Variants in VWC2 observed in about 807,000 individuals in gnomAD.
VWC2 encodes von Willebrand factor C domain containing 2.
A neutral mutation model predicts 29.8 loss-of-function variants in VWC2; 14 were observed. The ratio of observed to expected loss-of-function variants is 0.47; its 90% confidence interval spans 0.31 to 0.74. The LOEUF (loss-of-function observed/expected upper bound fraction) is 0.74, where lower values mean the gene tolerates loss of function less well. VWC2 is among the 30% of genes least tolerant of loss of function. The pLI is 0.05. For missense variants in VWC2, 457 were observed against 459.8 expected (o/e 0.99, Z 0.05); for synonymous variants, 213 against 199.0 (o/e 1.07, Z -0.59).
At chr7:49,809,879 A>C (rs1788961992) in intron 3 of VWC2, among the ~76,000 whole-genome samples, 1 of 152,066 alleles carries the variant, frequency 6.6e-6, no homozygotes, top group Non-Finnish European at 1.5e-5. Context: ...TCTCAATTTG[A>C]TAAAGAGTAA....
intron 3 of VWC2, among the ~76,000 whole-genome samples, chr7:49,889,875 G>C (rs1386718059): frequency 1.3e-5 from 2 of 152,136 alleles, no homozygotes; most frequent in Non-Finnish European, 2.9e-5. Flanking sequence ...GAAATAGGGA[G>C]ACCATCTGGC....
intron 2 of VWC2, among the ~76,000 whole-genome samples, chr7:49,783,819 C>A (rs570249155): frequency 6.6e-6 from 1 of 151,946 alleles, no homozygotes; most frequent in Admixed American, 6.6e-5. Flanking sequence ...GGAGGCCGAG[C>A]TGGGAGGATC....
intron 3 of VWC2, among the ~76,000 whole-genome samples, chr7:49,821,199 A>G (rs1229625593): frequency 1.3e-5 from 2 of 152,266 alleles, no homozygotes; most frequent in Non-Finnish European, 2.9e-5. Flanking sequence ...TTGCAAGGAT[A>G]TTGATGAGTG....
At chr7:49,788,867 T>TG (rs1406745447) in intron 2 of VWC2, among the ~76,000 whole-genome samples, 22 of 124,876 alleles carry the variant, frequency 1.8e-4, no homozygotes, top group Non-Finnish European at 1.0e-4. Context: ...TGAGCGTGTG[T>TG]GTGGGGGGTG....
intron 2 of VWC2, among the ~76,000 whole-genome samples, chr7:49,781,986 C>T (rs1284805675): frequency 1.3e-5 from 2 of 152,112 alleles, no homozygotes; most frequent in South Asian, 2.1e-4. Context: ...GATTATCAGA[C>T]CCATGTGGGG....
At chr7:49,859,277 C>T (rs944203315) in intron 3 of VWC2, among the ~76,000 whole-genome samples, 5 of 152,064 alleles carry the variant, frequency 3.3e-5, no homozygotes, top group African/African-American at 1.2e-4. Flanking sequence ...TTTGTGGTAT[C>T]TTTTGAAGGA....
chr7:49,844,714 C>T (rs946956122), intron 3 of VWC2, among the ~76,000 whole-genome samples: 9 of 151,872 alleles, frequency 5.9e-5, no homozygotes, highest in African/African-American at 1.9e-4. Context: ...TTTTTTGAGA[C>T]GGAGTTTGGC....
chr7:49,787,937 G>T (rs73347647), intron 2 of VWC2, among the ~76,000 whole-genome samples: 2,145 of 152,298 alleles, frequency 0.014, 39 homozygotes, highest in African/African-American at 0.049. Flanking sequence ...AGATCTCAGG[G>T]ACCATTGCGC....
intron 3 of VWC2, among the ~76,000 whole-genome samples, chr7:49,885,385 C>T (rs1033642570): frequency 6.6e-6 from 1 of 151,900 alleles, no homozygotes; most frequent in African/African-American, 2.4e-5. Context: ...TAAATATATA[C>T]AATTATGTTC....
In VWC2 at chr7:49,775,776, G is replaced by A. The variant is rs1240119481; in HGVS notation, c.341G>A (p.Arg114His). ...GCCGGGGATCTGCAGGTCCGGCCCC[G>A]CGGGGACACCCCGCAGGCGGAAGCC... ...AKAGDLQVRPRGDTPQAEALA... is the reference protein window; with the variant it reads ...AKAGDLQVRPHGDTPQAEALA... The change falls in exon 2 of 4, where the codon CGC becomes CAC. Residue 114 changes from arginine (R) to histidine (H), a missense_variant. Coordinates refer to ENST00000340652, the MANE Select transcript of VWC2 (RefSeq NM_198570.5). 3 of 1,520,290 alleles carry A rather than the reference G, an allele frequency of 2.0e-6. No homozygotes were observed. The highest frequency in any genetic ancestry group is 2.6e-6 in the Non-Finnish European group (3 of 1,135,312). The allele number at this position is 1,520,290 out of a possible 1,614,324, so 94.2% of individuals were successfully genotyped here.
chr7:49,867,029 T>G (rs1447073477), intron 3 of VWC2, among the ~76,000 whole-genome samples: 2 of 152,178 alleles, frequency 1.3e-5, no homozygotes, highest in Non-Finnish European at 2.9e-5. Context: ...TCAGGACTGA[T>G]CTCATTATCT....
chr7:49,820,989 G>C (rs1789249790), intron 3 of VWC2, among the ~76,000 whole-genome samples: 1 of 152,180 alleles, frequency 6.6e-6, no homozygotes, highest in Admixed American at 6.5e-5. Flanking sequence ...CTACAGTCTG[G>C]AGATGAGCTG....
At chr7:49,900,376 AG>A (rs1343774130) in intron 3 of VWC2, among the ~76,000 whole-genome samples, 2 of 151,786 alleles carry the variant, frequency 1.3e-5, no homozygotes, top group African/African-American at 2.4e-5. Flanking sequence ...TTAAAACAAA[AG>A]CTTGTTTATT....
intron 3 of VWC2, among the ~76,000 whole-genome samples, chr7:49,862,634 T>A (rs1657911353): frequency 6.6e-6 from 1 of 151,926 alleles, no homozygotes. Context: ...GAAGTTCCCT[T>A]CTCTTCCTAC....
chr7:49,891,173 T>G (rs1792111454), intron 3 of VWC2, among the ~76,000 whole-genome samples: 1 of 152,184 alleles, frequency 6.6e-6, no homozygotes, highest in Non-Finnish European at 1.5e-5. Context: ...GATACAAATA[T>G]GGACCCTATA....
At position 49,912,215 on chromosome 7, in the gene VWC2, T is replaced by C. The variant is rs781517273; in HGVS notation, c.*30T>C. 2.5e-6 allele frequency: 4 copies of C among 1,612,010 alleles called. No individual in the cohort carries two copies. Among genetic ancestry groups the C allele is most frequent in the Non-Finnish European group, 3.4e-6 (4 of 1,178,798 alleles). On this transcript the variant is annotated 3_prime_UTR_variant, in exon 4 of 4. Transcript: ENST00000340652. ...TTCCCAGAACACAAACTCTGACTTT[T>C]TCTAGAACATTTTACTGATGTGAAC...
chr7:49,789,320 G>GGC (rs1554328167), intron 2 of VWC2, among the ~76,000 whole-genome samples: 2 of 146,040 alleles, frequency 1.4e-5, no homozygotes, highest in Admixed American at 1.4e-4. Flanking sequence ...TGTGGGTGTA[G>GGC]GTGTGTGTGG....
intron 3 of VWC2, among the ~76,000 whole-genome samples, chr7:49,815,762 C>T (rs1789127815): frequency 6.6e-6 from 1 of 152,310 alleles, no homozygotes; most frequent in Non-Finnish European, 1.5e-5. Flanking sequence ...GTACCTGTAA[C>T]TTGGAAATAT....
At position 49,851,539 on chromosome 7, in the gene VWC2, A is replaced by G. The variant is rs565101760; in HGVS notation, c.826+48699A>G. On this transcript the variant is annotated intron_variant, in intron 3 of 3. Transcript: ENST00000340652. ...CACAGTGTGTGAGTGAACAGAGTCC[A>G]GGCTCTGGGACCAACTCTGAAATAA... Among the ~76,000 whole-genome samples the G allele has an allele frequency of 1.8e-3, 277 of 152,332 alleles. 1 individual carries two copies. The highest frequency in any genetic ancestry group is 3.2e-3 in the Non-Finnish European group (216 of 68,032).
Sources: gnomAD v4.1 joint callset for allele counts (sites outside exome capture counted in the v4.1 genomes callset) on GRCh38, gnomAD v4.1.1 for gene constraint, MANE v1.5 for transcripts, NCBI Gene and HGNC (gene_info 2026-07-23, HGNC 2026-07-21) for gene names.